Variants in MCF2L observed in about 807,000 individuals in gnomAD.
MCF2L encodes MCF.2 cell line derived transforming sequence like.
Under a neutral mutation model 153.4 loss-of-function variants are expected in MCF2L, and 97 were observed. The observed-to-expected ratio is 0.63, with a 90% CI of 0.54 to 0.75. MCF2L has a LOEUF of 0.75. Ranked by LOEUF, MCF2L falls within the 30% of genes least tolerant of loss-of-function variation. The pLI, the probability that MCF2L is intolerant of heterozygous loss-of-function variation, is 0.00. For synonymous variants in MCF2L, 659 were observed against 632.2 expected (o/e 1.04, Z -0.64); for missense variants, 1,347 against 1,495.2 (o/e 0.90, Z 1.64).
At chr13:113,075,267 A>T (rs2141923656) in intron 11 of MCF2L, 78 bp downstream of exon 11, 2 of 1,366,516 alleles carry the variant, frequency 1.5e-6, no homozygotes, top group African/African-American at 2.9e-5. Flanking sequence ...CCACCGGCTG[A>T]CCCTTGTCGT....
chr13:112,926,299 G>A (rs1375946464), intron 2 of MCF2L, among the ~76,000 whole-genome samples: 1 of 104,930 alleles, frequency 9.5e-6, no homozygotes. Context: ...TGCATGGCCT[G>A]GTCTACGTAC....
chr13:113,044,613 C>T, intron 3 of MCF2L: 1 of 1,573,046 alleles, frequency 6.4e-7, no homozygotes, highest in Non-Finnish European at 8.6e-7. Context: ...GCAGAGTGAG[C>T]CCACGGAAGA....
chr13:112,926,054 T>C (rs1208203134), intron 2 of MCF2L, among the ~76,000 whole-genome samples: 1 of 152,204 alleles, frequency 6.6e-6, no homozygotes, highest in African/African-American at 2.4e-5. Context: ...TCCATCACAG[T>C]AGCCAAGATA....
intron 2 of MCF2L, among the ~76,000 whole-genome samples, chr13:113,019,599 T>A (rs1236507552): frequency 1.3e-5 from 2 of 152,228 alleles, no homozygotes; most frequent in Admixed American, 6.5e-5. Flanking sequence ...CACGTGCTCC[T>A]TTCTGGACCT....
rs562149310 is a variant in MCF2L, at chr13:112,973,294, C to T, written c.79+3836C>T. On this transcript the variant is annotated intron_variant, in intron 1 of 29. Transcript: ENST00000535094. ...CTGAGGCCCTTTAGGAGAAAAACCA[C>T]GCAGCCAAATGAGGTACGTCTGTGT... 6.6e-5 allele frequency among the ~76,000 whole-genome samples: 10 copies of T among 152,284 alleles called. No individual in the cohort carries two copies. The South Asian group carries it at 1.0e-3, about 16-fold the overall frequency.
chr13:112,934,825 T>C (rs1332380812), intron 2 of MCF2L, among the ~76,000 whole-genome samples: 1 of 152,016 alleles, frequency 6.6e-6, no homozygotes, highest in Non-Finnish European at 1.5e-5. Flanking sequence ...ACATTACAAA[T>C]AGGCCAGCCT....
At chr13:113,011,136 G>A (rs1349325624) in intron 1 of MCF2L, among the ~76,000 whole-genome samples, 2 of 152,208 alleles carry the variant, frequency 1.3e-5, no homozygotes, top group African/African-American at 4.8e-5. Context: ...ATGAAGAACG[G>A]AAGAAGGCCA....
At chr13:113,039,637 T>G (rs1309932707) in intron 3 of MCF2L, among the ~76,000 whole-genome samples, 2 of 130,848 alleles carry the variant, frequency 1.5e-5, no homozygotes, top group African/African-American at 5.5e-5. Flanking sequence ...GAGAATCTAG[T>G]AGAAAAACAA....
intron 27 of MCF2L, chr13:113,095,927 A>G (rs1381085749): frequency 3.7e-6 from 2 of 542,986 alleles, no homozygotes; most frequent in Non-Finnish European, 5.1e-6. Context: ...TACAGTGAGG[A>G]GAGAAAGAGG....
At position 112,983,680 on chromosome 13, in the gene MCF2L, G is replaced by C. The variant is rs570160367; in HGVS notation, c.79+14222G>C. On this transcript the variant is annotated intron_variant, in intron 1 of 29. Coordinates refer to ENST00000535094, the MANE Select transcript of MCF2L (RefSeq NM_001112732.3). This position sits in a 1 kb window ranked among gnomAD's most constrained non-coding sequence, Gnocchi z 4.0. ...GCCCTTGGTCATCAGGATGTGAGGC[G>C]GTGACGGACACTTCAGTGCTCTGAC... Among the ~76,000 whole-genome samples, 1 of 152,184 alleles carries C rather than the reference G, an allele frequency of 6.6e-6. No individual in the cohort carries two copies. The highest frequency in any genetic ancestry group is 2.4e-5 in the African/African-American group (1 of 41,464).
At chr13:113,083,850 G>GAC in intron 17 of MCF2L, 148 bp from the exon 18 acceptor site, 1 of 686,234 alleles carries the variant, frequency 1.5e-6, no homozygotes, top group Non-Finnish European at 2.6e-6. Flanking sequence ...GCTCAGGACA[G>GAC]GCGTGGCTGC....
At chr13:112,909,496 TAG>T in intron 2 of MCF2L, 1 of 546,852 alleles carries the variant, frequency 1.8e-6, no homozygotes, top group South Asian at 2.7e-5. Flanking sequence ...AGTCCTACAC[TAG>T]CGCAGAGGGT....
chr13:112,917,156 T>G (rs533281395), intron 2 of MCF2L: 1 of 471,048 alleles, frequency 2.1e-6, no homozygotes, highest in African/African-American at 2.0e-5. Flanking sequence ...CCCACCTGAG[T>G]GTGATGATTC....
chr13:113,098,058 T>G lies in MCF2L; in HGVS notation c.*1199T>G, dbSNP rs2035780789. Reference sequence around the variant, plus strand: ...CCTTTCGGTGTCTAGTCTGCAGATGTTTTTGTATGTGTGCACCTCTGACCA... The same window carrying G: ...CCTTTCGGTGTCTAGTCTGCAGATGGTTTTGTATGTGTGCACCTCTGACCA... On this transcript the variant is annotated 3_prime_UTR_variant, in exon 30 of 30. Transcript: ENST00000535094. The G allele has an allele frequency of 6.6e-6, 1 of 152,402 alleles. No individual in the cohort carries two copies. The highest frequency in any genetic ancestry group is 1.5e-5 in the Non-Finnish European group (1 of 68,046). The allele number at this position is 152,402 out of a possible 1,614,324, so 9.4% of individuals were successfully genotyped here. A position where few individuals can be genotyped will look rare whatever the true frequency, so the allele number is the denominator to read the frequency against.
rs1182079361 is a variant in MCF2L, at chr13:113,039,169, CT to C, written c.279-6100del. On this transcript the variant is annotated intron_variant, in intron 3 of 29. Transcript: ENST00000535094. ...CCACCGCGCCCGGCCATTGCAGTCT[CT>C]TGATTTATTTCTTAAGTGATACTGT... 6.6e-5 allele frequency among the ~76,000 whole-genome samples: 10 copies of C among 152,280 alleles called. No homozygotes were observed. In the South Asian group the frequency reaches 1.5e-3, roughly 22 times the overall value.
intron 3 of MCF2L, chr13:113,044,828 C>G (rs368276180): frequency 1.2e-6 from 2 of 1,612,948 alleles, no homozygotes; most frequent in Non-Finnish European, 1.7e-6. Context: ...AGCCATGCCA[C>G]CACGAGTGAA....
intron 8 of MCF2L, 121 bp from the exon 9 acceptor site, chr13:113,069,938 C>G (rs1280448923): frequency 1.6e-6 from 1 of 619,148 alleles, no homozygotes; most frequent in East Asian, 3.4e-5. Flanking sequence ...TGAGCGGAGG[C>G]CAGGATCTCA....
intron 1 of MCF2L, among the ~76,000 whole-genome samples, chr13:112,977,276 A>C (rs1566678941): frequency 6.6e-6 from 1 of 152,218 alleles, no homozygotes; most frequent in East Asian, 1.9e-4. Flanking sequence ...CCCACTTCTC[A>C]GGGGCCCAAC....
At chr13:112,915,146 A>C (rs1199262206) in intron 2 of MCF2L, among the ~76,000 whole-genome samples, 1 of 152,034 alleles carries the variant, frequency 6.6e-6, no homozygotes, top group African/African-American at 2.4e-5. Context: ...GTGGTGGCTC[A>C]AGCCTGTAAT....
Sources: gnomAD v4.1 joint callset for allele counts (sites outside exome capture counted in the v4.1 genomes callset) on GRCh38, gnomAD v4.1.1 for gene constraint, Gnocchi (gnomAD v3.1) non-coding constraint, MANE v1.5 for transcripts, NCBI Gene and HGNC (gene_info 2026-07-23, HGNC 2026-07-21) for gene names.